Variants in MTG2 observed in about 807,000 individuals in gnomAD.
MTG2 encodes mitochondrial ribosome associated GTPase 2.
In MTG2, 23 loss-of-function variants were observed where a neutral mutation model predicts 28.6. That is an observed-to-expected ratio of 0.80 (90% CI 0.58 to 1.14). MTG2 has a LOEUF of 1.14. Ranked by LOEUF, MTG2 falls within the 50% of genes most tolerant of loss-of-function variation. MTG2 has a pLI of 0.00. For missense variants in MTG2, 539 were observed against 552.0 expected (o/e 0.98, Z 0.24); for synonymous variants, 260 against 251.8 (o/e 1.03, Z -0.31).
At position 62,195,905 on chromosome 20, in the gene MTG2, C is replaced by G; in HGVS notation, c.308C>G (p.Pro103Arg). The change falls in exon 3 of 7, where the codon CCT becomes CGT. Residue 103 changes from proline to arginine, a missense_variant. Coordinates refer to ENST00000370823, the MANE Select transcript of MTG2 (RefSeq NM_015666.4). Reference sequence around the variant, plus strand: ...GAGCCCCGCAAGGAGTTTGGAGGCCCTGATGGAGGGGACGGAGGCAACGGT... The same window carrying G: ...GAGCCCCGCAAGGAGTTTGGAGGCCGTGATGGAGGGGACGGAGGCAACGGT... Reference protein sequence around the residue: ...HSEPRKEFGGPDGGDGGNGGH... With the variant: ...HSEPRKEFGGRDGGDGGNGGH... 6.2e-7 allele frequency: 1 copy of G among 1,614,166 alleles called. No homozygotes were observed. Among genetic ancestry groups the G allele is most frequent in the Non-Finnish European group, 8.5e-7 (1 of 1,180,030 alleles).
At position 62,199,134 on chromosome 20, in the gene MTG2, G is replaced by A. The variant is rs200246261; in HGVS notation, c.703G>A (p.Ala235Thr). Residue 235 changes from alanine (A) to threonine (T), a missense_variant, in exon 6 of 7, where the codon GCC becomes ACC. By Grantham distance (58) the Ala-to-Thr change is moderately conservative. Transcript: ENST00000370823. ...TTTCCCCCAGGTGGGATTCCCCAAC[G>A]CCGGGAAGTCCTCACTGCTCCGGGC... ...AHAGMVGFPNAGKSSLLRAIS... is the reference protein window; with the variant it reads ...AHAGMVGFPNTGKSSLLRAIS... 44 of 1,613,942 alleles carry A rather than the reference G, an allele frequency of 2.7e-5. No individual in the cohort carries two copies. The highest frequency in any genetic ancestry group is 3.3e-4 in the Middle Eastern group (2 of 6,078).
chr20:62,199,090 C>T (rs773904495), intron 5 of MTG2, 29 bp from the exon 6 acceptor site: 93 of 1,612,244 alleles, frequency 5.8e-5, no homozygotes, highest in Non-Finnish European at 6.8e-5. Flanking sequence ...TGCCGCGGGC[C>T]GTGCCACCGT....
Position 62,198,641 on chromosome 20 carries a change from T to C in MTG2, c.476T>C (p.Val159Ala). 1 of 1,613,698 alleles carries C rather than the reference T, an allele frequency of 6.2e-7. No homozygotes were observed. Residue 159 changes from valine (V) to alanine (A), a missense_variant, in exon 5 of 7, where the codon GTG becomes GCG. Coordinates refer to ENST00000370823, the MANE Select transcript of MTG2 (RefSeq NM_015666.4). ...SGAVLYIRVPVGTLVKEGGRV... is the reference protein window; with the variant it reads ...SGAVLYIRVPAGTLVKEGGRV... ...GTGCCTGCTGTTCCCCAGGTCCCCGTGGGCACGCTGGTGAAGGAGGGAGGC... is the reference window on the plus strand; with the variant it reads ...GTGCCTGCTGTTCCCCAGGTCCCCGCGGGCACGCTGGTGAAGGAGGGAGGC...
At chr20:62,198,112 G>A in intron 4 of MTG2, 145 bp downstream of exon 4, 3 of 651,832 alleles carry the variant, frequency 4.6e-6, no homozygotes, top group Non-Finnish European at 7.9e-6. Flanking sequence ...CTGGCAGACA[G>A]CGGGAAAGCA....
intron 2 of MTG2, among the ~76,000 whole-genome samples, chr20:62,195,577 T>C (rs6089685): frequency 6.6e-6 from 1 of 152,222 alleles, no homozygotes. Context: ...CCACACAGAA[T>C]ACTTACATCT....
intron 1 of MTG2, among the ~76,000 whole-genome samples, chr20:62,185,335 C>T (rs2057818886): frequency 6.6e-6 from 1 of 152,072 alleles, no homozygotes; most frequent in Admixed American, 6.6e-5. Flanking sequence ...TCCCTTGAAC[C>T]CGGGAGGCAG....
intron 1 of MTG2, among the ~76,000 whole-genome samples, chr20:62,185,784 C>T (rs1156554770): frequency 6.6e-6 from 1 of 152,144 alleles, no homozygotes; most frequent in Non-Finnish European, 1.5e-5. Flanking sequence ...GCCAAATGGC[C>T]ACATTTGGCC....
chr20:62,195,643 T>A (rs1226890175), intron 2 of MTG2, among the ~76,000 whole-genome samples, 159 bp from the exon 3 acceptor site: 1 of 152,238 alleles, frequency 6.6e-6, no homozygotes, highest in African/African-American at 2.4e-5. Flanking sequence ...GACTGTTTTT[T>A]ATCTTCGGAA....
chr20:62,199,099 G>T lies in MTG2; in HGVS notation c.688-20G>T. The T allele has an allele frequency of 6.2e-7, 1 of 1,613,364 alleles. No homozygotes were observed. Among genetic ancestry groups the T allele is most frequent in the Non-Finnish European group, 8.5e-7 (1 of 1,179,546 alleles). ...AGGTGCTGCCGCGGGCCGTGCCACC[G>T]TCTTCCCTCTTTCCCCCAGGTGGGA... On this transcript the variant is annotated intron_variant, in intron 5 of 6. Transcript: ENST00000370823.
At position 62,199,258 on chromosome 20, in the gene MTG2, G is replaced by T; in HGVS notation, c.826+1G>T. On this transcript the variant is annotated splice_donor_variant, in intron 6 of 6. Transcript: ENST00000370823. LOFTEE classifies it high-confidence loss of function. ...TACGAAGGCCACCTACAAATAGCAG[G>T]TAGAACTTCCAGAATTCTCCCAAAG... The T allele has an allele frequency of 6.2e-7, 1 of 1,608,948 alleles. No homozygotes were observed. The highest frequency in any genetic ancestry group is 8.5e-7 in the Non-Finnish European group (1 of 1,175,942).
chr20:62,199,074 A>G (rs781656527), intron 5 of MTG2, 45 bp from the exon 6 acceptor site: 60 of 1,610,476 alleles, frequency 3.7e-5, no homozygotes, highest in Non-Finnish European at 4.9e-5. Flanking sequence ...GCGCTAACAA[A>G]GGTGCTGCCG....
chr20:62,199,386 C>T, intron 6 of MTG2, 129 bp downstream of exon 6: 1 of 1,201,216 alleles, frequency 8.3e-7, no homozygotes, highest in South Asian at 1.5e-5. Context: ...TGGCTCACAC[C>T]TGTAACCCCA....
rs2058164792 is a variant in MTG2 at position 62,201,197 on chromosome 20, C to G, written c.*120C>G. 3.1e-6 allele frequency: 4 copies of G among 1,273,734 alleles called. No homozygotes were observed. Among genetic ancestry groups the G allele is most frequent in the Non-Finnish European group, 4.2e-6 (4 of 951,886 alleles). The allele number at this position is 1,273,734 out of a possible 1,614,324, so 78.9% of individuals were successfully genotyped here. ...GGGGAGTTGTGGTGCTTCTGGGTCT[C>G]TGGGCCCCGCCTGCTGGCCTGAGAT... is the stretch of plus-strand genomic sequence containing the variant. On this transcript the variant is annotated 3_prime_UTR_variant, in exon 7 of 7. Coordinates refer to ENST00000370823, the MANE Select transcript of MTG2 (RefSeq NM_015666.4).
intron 6 of MTG2, among the ~76,000 whole-genome samples, chr20:62,200,436 G>A (rs1170196606): frequency 6.6e-6 from 1 of 152,132 alleles, no homozygotes; most frequent in Non-Finnish European, 1.5e-5. Flanking sequence ...TAGATCCATC[G>A]CCACGCTGGT....
At chr20:62,199,455 C>A (rs1362400420) in intron 6 of MTG2, among the ~76,000 whole-genome samples, 198 bp downstream of exon 6, 2 of 151,898 alleles carry the variant, frequency 1.3e-5, no homozygotes, top group Non-Finnish European at 2.9e-5. Flanking sequence ...ACCATCCTGG[C>A]TAACATGGTG....
At chr20:62,184,202 C>CA (rs1196426343) in intron 1 of MTG2, among the ~76,000 whole-genome samples, 5 of 152,072 alleles carry the variant, frequency 3.3e-5, no homozygotes, top group East Asian at 1.9e-4. Context: ...ACTAAAAATA[C>CA]AAAAAAGTAG....
In MTG2 at chr20:62,195,824, G is replaced by A. The variant is rs199831641; in HGVS notation, c.227G>A (p.Arg76Gln). Residue 76 changes from arginine (R) to glutamine (Q), a missense_variant, in exon 3 of 7, where the codon CGG (arginine) becomes CAG (glutamine). By Grantham distance (43) the Arg-to-Gln change is conservative. Transcript: ENST00000370823. ...KKLKRYFVDY[R>Q]RVLVCGGNGG... The stretch of plus-strand genomic sequence containing the variant: ...TAGAAAAGGTACTTTGTGGACTATC[G>A]GAGAGTGCTTGTCTGTGGAGGAAAC... 34 of 1,614,172 alleles carry A rather than the reference G, an allele frequency of 2.1e-5. No homozygotes were observed. The Admixed American group carries it at 3.3e-4, about 16-fold the overall frequency.
chr20:62,198,309 C>T (rs1412715746), intron 4 of MTG2: 12 of 526,466 alleles, frequency 2.3e-5, no homozygotes, highest in Admixed American at 9.6e-5. Flanking sequence ...ACCCAGCGGG[C>T]CTGCGTCTCC....
Position 62,198,786 on chromosome 20 carries a change from C to G in MTG2, c.621C>G (p.Thr207=), listed in dbSNP as rs1278959163. The stretch of plus-strand genomic sequence containing the variant: ...ACAACCGTGCCCCTGTGACCTGTAC[C>G]CCTGGACAGCCAGGACAGCAGCGAG... The part of the protein sequence containing the change: ...ANNNRAPVTC[T]PGQPGQQRVL... Residue 207 remains threonine, a synonymous_variant, in exon 5 of 7, where the codon ACC becomes ACG. Coordinates refer to ENST00000370823, the MANE Select transcript of MTG2 (RefSeq NM_015666.4). 6.2e-7 allele frequency: 1 copy of G among 1,614,144 alleles called. No individual in the cohort carries two copies. The highest frequency in any genetic ancestry group is 1.7e-5 in the Admixed American group (1 of 60,034).
Sources: gnomAD v4.1 joint callset for allele counts (sites outside exome capture counted in the v4.1 genomes callset) on GRCh38, gnomAD v4.1.1 for gene constraint, MANE v1.5 for transcripts, NCBI Gene and HGNC (gene_info 2026-07-23, HGNC 2026-07-21) for gene names.